Variants in TOM1L2 observed in about 807,000 individuals in gnomAD.
TOM1L2 encodes TOM1-like protein 2.
Under a neutral mutation model 67.9 loss-of-function variants are expected in TOM1L2, and 31 were observed. The ratio of observed to expected loss-of-function variants is 0.46; its 90% confidence interval spans 0.34 to 0.62. TOM1L2 has a LOEUF of 0.62. Ranked by LOEUF, TOM1L2 falls within the 20% of genes least tolerant of loss-of-function variation. The pLI, the probability that TOM1L2 is intolerant of heterozygous loss-of-function variation, is 0.01. For missense variants in TOM1L2, 606 were observed against 663.5 expected (o/e 0.91, Z 0.95); for synonymous variants, 256 against 254.0 (o/e 1.01, Z -0.07).
chr17:17,956,574 C>T (rs776879417), intron 1 of TOM1L2, among the ~76,000 whole-genome samples: 1 of 152,192 alleles, frequency 6.6e-6, no homozygotes, highest in Non-Finnish European at 1.5e-5. Flanking sequence ...AGGTTCGGGC[C>T]GCATAGGAGC....
At chr17:17,851,162 A>G (rs1598172568) in intron 12 of TOM1L2, 3 of 578,594 alleles carry the variant, frequency 5.2e-6, no homozygotes, top group Non-Finnish European at 9.3e-6. Context: ...GGTGCAAATG[A>G]TAAGAAGCAG....
intron 6 of TOM1L2, among the ~76,000 whole-genome samples, chr17:17,882,072 A>C (rs2037754375): frequency 6.6e-6 from 1 of 152,220 alleles, no homozygotes; most frequent in Non-Finnish European, 1.5e-5. Context: ...TGTGGGGTTA[A>C]AACTGCATTA....
At position 17,893,644 on chromosome 17, in the gene TOM1L2, C is replaced by A. The variant is rs1036056986; in HGVS notation, c.366+17G>T. On this transcript the variant is annotated intron_variant, in intron 4 of 14. Transcript: ENST00000379504. Reference sequence around the variant, plus strand: ...TCTTACTCTGTTCCAACAAATTGGGCAAGGGGTCCAACCTACCTGGATCAG... The same window carrying A: ...TCTTACTCTGTTCCAACAAATTGGGAAAGGGGTCCAACCTACCTGGATCAG... The A allele has an allele frequency of 3.7e-6, 6 of 1,609,730 alleles. No homozygotes were observed. In the African/African-American group the frequency reaches 4.0e-5, roughly 11 times the overall value.
At chr17:17,964,917 G>A (rs1322483813) in intron 1 of TOM1L2, among the ~76,000 whole-genome samples, 1 of 152,128 alleles carries the variant, frequency 6.6e-6, no homozygotes, top group Non-Finnish European at 1.5e-5. Flanking sequence ...GACGCCCCAC[G>A]TGACTTTCAA....
chr17:17,857,633 C>A, intron 12 of TOM1L2: 1 of 719,944 alleles, frequency 1.4e-6, no homozygotes, highest in Non-Finnish European at 2.2e-6. Context: ...TTTGGCACCC[C>A]TGCCAGAAAG....
Position 17,960,334 on chromosome 17 carries a change from T to A in TOM1L2, c.52+11928A>T, listed in dbSNP as rs924630559. Reference sequence around the variant, plus strand: ...ATCCACAGACCTTGAGGAAGGTACTTGACTTTTTTTTTTCTGAGACAGGGT... The same window carrying A: ...ATCCACAGACCTTGAGGAAGGTACTAGACTTTTTTTTTTCTGAGACAGGGT... On this transcript the variant is annotated intron_variant, in intron 1 of 14. Coordinates refer to ENST00000379504, the MANE Select transcript of TOM1L2 (RefSeq NM_001082968.2). 5.3e-5 allele frequency among the ~76,000 whole-genome samples: 8 copies of A among 152,066 alleles called. No homozygotes were observed. The South Asian group carries it at 1.5e-3, about 28-fold the overall frequency.
intron 1 of TOM1L2, among the ~76,000 whole-genome samples, chr17:17,965,662 T>C (rs1200370852): frequency 1.3e-5 from 2 of 152,186 alleles, no homozygotes; most frequent in African/African-American, 4.8e-5. Flanking sequence ...TGACCTTAGG[T>C]AGGTTCCATA....
At chr17:17,859,387 A>G (rs1345000479) in intron 12 of TOM1L2, 1 of 151,986 alleles carries the variant, frequency 6.6e-6, no homozygotes, top group African/African-American at 2.4e-5. Context: ...CCCCTTTTTT[A>G]TTGTGTTCTT....
chr17:17,923,177 C>T (rs551375287), intron 1 of TOM1L2, among the ~76,000 whole-genome samples: 2 of 152,196 alleles, frequency 1.3e-5, no homozygotes, highest in South Asian at 2.1e-4. Context: ...GCAGGCGGAT[C>T]GCCTGAGATC....
At chr17:17,873,108 C>G (rs2037237756) in intron 7 of TOM1L2, among the ~76,000 whole-genome samples, 1 of 152,200 alleles carries the variant, frequency 6.6e-6, no homozygotes. Context: ...TGGCCATCTG[C>G]CTGCAATGTC....
rs2035549393 is a variant in TOM1L2 at position 17,844,601 on chromosome 17, G to C, written c.*3034C>G. On this transcript the variant is annotated 3_prime_UTR_variant, in exon 15 of 15. Transcript: ENST00000379504. ...CCCATGCACGCTGGTAAGCGAGCCAGTCATTCTCTCAGCCTGGCCACAGAT... is the reference window on the plus strand; with the variant it reads ...CCCATGCACGCTGGTAAGCGAGCCACTCATTCTCTCAGCCTGGCCACAGAT... 1 of 152,322 alleles carries C rather than the reference G, an allele frequency of 6.6e-6. No homozygotes were observed. The highest frequency in any genetic ancestry group is 2.1e-4 in the South Asian group (1 of 4,834). 9.4% of individuals were successfully genotyped at this position (152,322 alleles called of 1,614,324 possible).
intron 4 of TOM1L2, among the ~76,000 whole-genome samples, chr17:17,893,447 T>G (rs2038394424): frequency 6.6e-6 from 1 of 152,248 alleles, no homozygotes; most frequent in East Asian, 1.9e-4. Flanking sequence ...CCCAGAAAGC[T>G]TCAGGAAGGC....
chr17:17,951,512 AC>A (rs1322384853), intron 1 of TOM1L2, among the ~76,000 whole-genome samples: 3 of 152,240 alleles, frequency 2.0e-5, no homozygotes, highest in Admixed American at 6.5e-5. Context: ...TGGAGTGGCA[AC>A]AGAAAAATTT....
At chr17:17,855,637 C>T (rs1568061585) in intron 12 of TOM1L2, among the ~76,000 whole-genome samples, 1 of 152,210 alleles carries the variant, frequency 6.6e-6, no homozygotes, top group Non-Finnish European at 1.5e-5. Context: ...TATCCACACA[C>T]CTGAGTCCCA....
At chr17:17,850,648 A>C (rs2035915313) in intron 13 of TOM1L2, among the ~76,000 whole-genome samples, 1 of 152,222 alleles carries the variant, frequency 6.6e-6, no homozygotes, top group Non-Finnish European at 1.5e-5. Flanking sequence ...GTGTGGGTGA[A>C]GGAGGCTGTG....
In TOM1L2 at chr17:17,903,682, G is replaced by A. The variant is rs1427009685; in HGVS notation, c.137+3765C>T. On this transcript the variant is annotated intron_variant, in intron 2 of 14. Coordinates refer to ENST00000379504, the MANE Select transcript of TOM1L2 (RefSeq NM_001082968.2). ...GTCCTCATGGAGATCACAGCCTTGC[G>A]GGGGTTGCAGGGCAAGACAGACACT... is the stretch of plus-strand genomic sequence containing the variant. Among the ~76,000 whole-genome samples the A allele has an allele frequency of 6.6e-5, 10 of 151,900 alleles. 1 individual carries two copies. The highest frequency in any genetic ancestry group is 3.9e-4 in the East Asian group (2 of 5,188).
intron 1 of TOM1L2, among the ~76,000 whole-genome samples, chr17:17,939,687 T>C (rs1225672400): frequency 2.6e-5 from 4 of 152,168 alleles, no homozygotes; most frequent in Non-Finnish European, 5.9e-5. Flanking sequence ...AAATTTTCTA[T>C]AACACAAAGT....
chr17:17,940,167 T>C (rs1306700385), intron 1 of TOM1L2, among the ~76,000 whole-genome samples: 1 of 120,120 alleles, frequency 8.3e-6, no homozygotes, highest in Non-Finnish European at 1.6e-5. Context: ...CATTCCAGGC[T>C]GGGCGACAGA....
At position 17,907,432 on chromosome 17, in the gene TOM1L2, G is replaced by T. The variant is rs1173786299; in HGVS notation, c.137+15C>A. The stretch of plus-strand genomic sequence containing the variant: ...AAGCTCAGAGAGGCTTCCCAGGAGA[G>T]GGGGGCACACGTACCCTTCCTCCGT... On this transcript the variant is annotated intron_variant, in intron 2 of 14. Transcript: ENST00000379504. The T allele has an allele frequency of 1.2e-6, 2 of 1,612,532 alleles. No individual in the cohort carries two copies. Among genetic ancestry groups the T allele is most frequent in the Admixed American group, 3.3e-5 (2 of 59,880 alleles).
Sources: gnomAD v4.1 joint callset for allele counts (sites outside exome capture counted in the v4.1 genomes callset) on GRCh38, gnomAD v4.1.1 for gene constraint, MANE v1.5 for transcripts, NCBI Gene and HGNC (gene_info 2026-07-23, HGNC 2026-07-21) for gene names.